MAN1A2: variants seen among roughly 807,000 people sequenced by gnomAD.
MAN1A2 encodes the protein mannosidase alpha class 1A member 2.
Under a neutral mutation model 75.7 loss-of-function variants are expected in MAN1A2, and 26 were observed. The observed-to-expected ratio is 0.34, with a 90% CI of 0.25 to 0.48. The LOEUF is 0.48. MAN1A2 is among the 20% of genes least tolerant of loss of function. MAN1A2 has a pLI of 0.99. For missense variants in MAN1A2, 562 were observed against 775.5 expected (o/e 0.72, Z 3.27); for synonymous variants, 247 against 264.6 (o/e 0.93, Z 0.65).
At position 117,449,418 on chromosome 1, in the gene MAN1A2, G is replaced by A. The variant is rs148817322; in HGVS notation, c.950+7093G>A. On this transcript the variant is annotated intron_variant, in intron 6 of 12. Coordinates refer to ENST00000356554, the MANE Select transcript of MAN1A2 (RefSeq NM_006699.5). ...TACAAAAAATACAAAAATTAGCTGA[G>A]CATGGTGGTGTGTGCCTGTAGTACC... 1.6e-3 allele frequency among the ~76,000 whole-genome samples: 236 copies of A among 152,132 alleles called. 4 individuals carry two copies. In the East Asian group the frequency reaches 0.042, roughly 27 times the overall value.
intron 7 of MAN1A2, among the ~76,000 whole-genome samples, chr1:117,463,585 T>C: frequency 6.6e-6 from 1 of 152,022 alleles, no homozygotes; most frequent in East Asian, 1.9e-4. Context: ...GAACTGACCC[T>C]GGTAAATGTG....
chr1:117,445,888 A>ATATATATATATATATATATATG (rs1553235503), intron 6 of MAN1A2, among the ~76,000 whole-genome samples: 7 of 143,620 alleles, frequency 4.9e-5, no homozygotes, highest in Non-Finnish European at 9.2e-5. Flanking sequence ...GTGTGTGTAT[A>ATATATATATATATATATATATG]TATATATATA....
At chr1:117,441,670 G>A (rs1162703249) in intron 5 of MAN1A2, among the ~76,000 whole-genome samples, 1 of 152,092 alleles carries the variant, frequency 6.6e-6, no homozygotes, top group Non-Finnish European at 1.5e-5. Context: ...GGAAACCACT[G>A]ATATTTAGGC....
chr1:117,508,194 A>G (rs1651429664), intron 12 of MAN1A2, among the ~76,000 whole-genome samples: 1 of 151,690 alleles, frequency 6.6e-6, no homozygotes, highest in African/African-American at 2.4e-5. Context: ...TCTGTTGCAC[A>G]TTTATTTAAA....
chr1:117,479,612 A>G (rs954049718), intron 8 of MAN1A2, among the ~76,000 whole-genome samples: 1 of 151,572 alleles, frequency 6.6e-6, no homozygotes, highest in Non-Finnish European at 1.5e-5. Flanking sequence ...AGCATTTTTT[A>G]TTTTTTGACT....
At chr1:117,468,492 G>T (rs1650046351) in intron 8 of MAN1A2, among the ~76,000 whole-genome samples, 1 of 152,118 alleles carries the variant, frequency 6.6e-6, no homozygotes, top group East Asian at 1.9e-4. Flanking sequence ...AGAACTTTCT[G>T]TAATGAGGAA....
intron 1 of MAN1A2, among the ~76,000 whole-genome samples, chr1:117,400,764 A>G (rs1406825485): frequency 6.6e-6 from 1 of 152,108 alleles, no homozygotes; most frequent in South Asian, 2.1e-4. Context: ...TTTTTGGAGG[A>G]TATCTTGATT....
intron 1 of MAN1A2, among the ~76,000 whole-genome samples, chr1:117,378,369 A>G (rs1653224425): frequency 6.6e-6 from 1 of 152,152 alleles, no homozygotes; most frequent in Non-Finnish European, 1.5e-5. Flanking sequence ...AACATTATTT[A>G]TCATTCTGCA....
chr1:117,394,292 C>T lies in MAN1A2; in HGVS notation c.303-7894C>T, dbSNP rs138195422. 6.5e-3 allele frequency among the ~76,000 whole-genome samples: 992 copies of T among 152,172 alleles called. 6 individuals carry two copies. Among genetic ancestry groups the T allele is most frequent in the African/African-American group, 0.023 (936 of 41,522 alleles). Reference sequence around the variant, plus strand: ...AGAGACGGGGTTTCACCGTATTAGCCAGGATGGTCTCAATCTCCTGACCTC... The same window carrying T: ...AGAGACGGGGTTTCACCGTATTAGCTAGGATGGTCTCAATCTCCTGACCTC... On this transcript the variant is annotated intron_variant, in intron 1 of 12. Coordinates refer to ENST00000356554, the MANE Select transcript of MAN1A2 (RefSeq NM_006699.5).
At chr1:117,431,285 C>T (rs1648651363) in intron 5 of MAN1A2, among the ~76,000 whole-genome samples, 1 of 139,426 alleles carries the variant, frequency 7.2e-6, no homozygotes, top group African/African-American at 2.7e-5. Context: ...GACATAATCA[C>T]AACATTAAAA....
intron 7 of MAN1A2, among the ~76,000 whole-genome samples, chr1:117,463,618 G>A (rs544097853): frequency 8.0e-4 from 122 of 152,080 alleles, no homozygotes; most frequent in Non-Finnish European, 1.6e-3. Context: ...CAGAAAGCAT[G>A]GCAATTGTGC....
intron 1 of MAN1A2, among the ~76,000 whole-genome samples, chr1:117,388,932 A>G (rs372205545): frequency 6.6e-6 from 1 of 152,168 alleles, no homozygotes; most frequent in East Asian, 1.9e-4. Flanking sequence ...CTTTGTACTG[A>G]TGGTGATTTC....
At chr1:117,483,959 T>G (rs920291648) in intron 8 of MAN1A2, among the ~76,000 whole-genome samples, 3 of 151,920 alleles carry the variant, frequency 2.0e-5, no homozygotes, top group African/African-American at 7.2e-5. Context: ...GGGAGGGATT[T>G]TGCATCAACT....
intron 1 of MAN1A2, among the ~76,000 whole-genome samples, chr1:117,392,162 A>C (rs1302295711): frequency 6.6e-6 from 1 of 152,020 alleles, no homozygotes; most frequent in Non-Finnish European, 1.5e-5. Flanking sequence ...TTCAAGTTGA[A>C]GTTCTTTAGT....
chr1:117,401,027 C>T (rs895515856), intron 1 of MAN1A2, among the ~76,000 whole-genome samples: 17 of 152,092 alleles, frequency 1.1e-4, no homozygotes, highest in Non-Finnish European at 2.5e-4. Flanking sequence ...CTCATTATCC[C>T]ATCTCTAGTT....
intron 8 of MAN1A2, among the ~76,000 whole-genome samples, chr1:117,470,601 A>G (rs1308379411): frequency 6.6e-6 from 1 of 152,044 alleles, no homozygotes; most frequent in Non-Finnish European, 1.5e-5. Flanking sequence ...TTTTAATTTC[A>G]GTGTTATAGA....
intron 1 of MAN1A2, among the ~76,000 whole-genome samples, chr1:117,370,610 A>G (rs1409463498): frequency 6.6e-6 from 1 of 152,264 alleles, no homozygotes; most frequent in African/African-American, 2.4e-5. Context: ...ATGTATAAAC[A>G]TTAACTTATT....
chr1:117,375,178 G>C (rs1653096670), intron 1 of MAN1A2, among the ~76,000 whole-genome samples: 1 of 152,048 alleles, frequency 6.6e-6, no homozygotes, highest in African/African-American at 2.4e-5. Context: ...AGATTCTGTG[G>C]AATACAGTCC....
In MAN1A2 at chr1:117,504,382, C is replaced by A. The variant is rs149942346; in HGVS notation, c.1793+1412C>A. Among the ~76,000 whole-genome samples, 108 of 149,864 alleles carry A rather than the reference C, an allele frequency of 7.2e-4. 1 individual carries two copies. Among genetic ancestry groups the A allele is most frequent in the African/African-American group, 2.6e-3 (107 of 40,932 alleles). On this transcript the variant is annotated intron_variant, in intron 12 of 12. Transcript: ENST00000356554. Reference sequence around the variant, plus strand: ...ACAATGATTATTTGTGTCTTTTCACCTAGTTTTGCCACATTTCCTTCTCTT... The same window carrying A: ...ACAATGATTATTTGTGTCTTTTCACATAGTTTTGCCACATTTCCTTCTCTT...
Sources: allele counts gnomAD v4.1 joint callset (sites outside exome capture counted in the v4.1 genomes callset), GRCh38; gene constraint gnomAD v4.1.1; transcripts MANE v1.5; gene names NCBI Gene and HGNC (gene_info 2026-07-23, HGNC 2026-07-21).